The following RNF213 variants were observed in gnomAD, a reference collection of about 807,000 sequenced individuals.
RNF213 encodes the protein ring finger protein 213.
Under a neutral mutation model 514.4 loss-of-function variants are expected in RNF213, and 341 were observed. That is an observed-to-expected ratio of 0.66 (90% CI 0.61 to 0.73). RNF213 has a LOEUF of 0.73. Among genes scored for constraint, RNF213 ranks in the 30% least tolerant of loss-of-function variants. The pLI, the probability that RNF213 is intolerant of heterozygous loss-of-function variation, is 0.00. For missense variants in RNF213, 5,767 were observed against 6,615.6 expected (o/e 0.87, Z 4.45); for synonymous variants, 2,655 against 2,658.2 (o/e 1.00, Z 0.04).
Position 80,345,198 on chromosome 17 carries a change from A to T in RNF213, c.6863A>T (p.Asp2288Val). 6.2e-7 allele frequency: 1 copy of T among 1,614,094 alleles called. No individual in the cohort carries two copies. Among genetic ancestry groups the T allele is most frequent in the Non-Finnish European group, 8.5e-7 (1 of 1,179,990 alleles). ...ACCATGGATGGGGTTAGGGAAGAAGATCTAGCGCCCTTCTCCCTCCGGAAG... is the reference window on the plus strand; with the variant it reads ...ACCATGGATGGGGTTAGGGAAGAAGTTCTAGCGCCCTTCTCCCTCCGGAAG... Reference protein sequence around the residue: ...MVTMDGVREEDLAPFSLRKRW... With the variant: ...MVTMDGVREEVLAPFSLRKRW... The change falls in exon 29 of 68, where the codon GAT (aspartate) becomes GTT (valine). Residue 2288 changes from aspartate to valine, a missense_variant. Physicochemically the swap from Asp to Val is radical, Grantham distance 152. Around this residue, in one of 13 missense-constraint regions of RNF213, gnomAD observed 1,377 missense variants for 1,635.2 expected, o/e 0.84. Coordinates refer to ENST00000582970, the MANE Select transcript of RNF213 (RefSeq NM_001256071.3). This position sits in a 1 kb window ranked among gnomAD's most constrained non-coding sequence, Gnocchi z 6.0.
intron 2 of RNF213, among the ~76,000 whole-genome samples, chr17:80,267,486 G>C (rs1370589145): frequency 6.6e-6 from 1 of 152,164 alleles, no homozygotes; most frequent in Non-Finnish European, 1.5e-5. Context: ...CAAATGATTA[G>C]AGAGTGAAAC....
At position 80,377,805 on chromosome 17, in the gene RNF213, T is replaced by C. The variant is rs2079821462; in HGVS notation, c.13545+9T>C. On this transcript the variant is annotated intron_variant, in intron 54 of 67. Coordinates refer to ENST00000582970, the MANE Select transcript of RNF213 (RefSeq NM_001256071.3). This position sits in a 1 kb window ranked among gnomAD's most constrained non-coding sequence, Gnocchi z 4.1. ...CTTGCTCCGTGGGAGAGGTGAGTCT[T>C]GGTATTTAAGATAGGGTTTGAGGGG... 2 of 1,614,004 alleles carry C rather than the reference T, an allele frequency of 1.2e-6. No individual in the cohort carries two copies. The highest frequency in any genetic ancestry group is 2.7e-5 in the African/African-American group (2 of 74,906).
chr17:80,310,678 G>T (rs542377924), intron 14 of RNF213, among the ~76,000 whole-genome samples: 14 of 151,852 alleles, frequency 9.2e-5, no homozygotes, highest in African/African-American at 3.4e-4. Context: ...TCAGCCTCCC[G>T]AGTAGCTGGG....
In RNF213 at chr17:80,346,956, C is replaced by A. The variant is rs1555666787; in HGVS notation, c.8621C>A (p.Ala2874Asp). The change falls in exon 29 of 68, where the codon GCC becomes GAC. Residue 2874 changes from alanine (A) to aspartate (D), a missense_variant. By Grantham distance (126) the Ala-to-Asp change is moderately radical. Around this residue, in one of 13 missense-constraint regions of RNF213, gnomAD observed 105 missense variants for 183.9 expected, o/e 0.57. Coordinates refer to ENST00000582970, the MANE Select transcript of RNF213 (RefSeq NM_001256071.3). This position sits in a 1 kb window ranked among gnomAD's most constrained non-coding sequence, Gnocchi z 8.1. ...GACGGATGCATTGAAGACGATCCCGCCCCCCACAAAAAGGTCGGCTTCGTG... is the reference window on the plus strand; with the variant it reads ...GACGGATGCATTGAAGACGATCCCGACCCCCACAAAAAGGTCGGCTTCGTG... ...LEDGCIEDDPAPHKKVGFVGI... is the reference protein window; with the variant it reads ...LEDGCIEDDPDPHKKVGFVGI... 6.2e-7 allele frequency: 1 copy of A among 1,613,770 alleles called. No individual in the cohort carries two copies. The highest frequency in any genetic ancestry group is 2.2e-5 in the East Asian group (1 of 44,872).
At chr17:80,289,999 G>T (rs371775471) in intron 6 of RNF213, among the ~76,000 whole-genome samples, 162 bp downstream of exon 6, 1 of 152,174 alleles carries the variant, frequency 6.6e-6, no homozygotes, top group Non-Finnish European at 1.5e-5. Flanking sequence ...GGTGGAGGGG[G>T]GTGGGCACCT....
chr17:80,362,549 AAAC>A (rs1327860073), intron 39 of RNF213, among the ~76,000 whole-genome samples: 2 of 152,268 alleles, frequency 1.3e-5, no homozygotes, highest in Non-Finnish European at 2.9e-5. Context: ...TGATTTTTAA[AAAC>A]AACAGCCGCC....
At chr17:80,381,282 G>A in intron 56 of RNF213, 1 of 594,298 alleles carries the variant, frequency 1.7e-6, no homozygotes. Flanking sequence ...TGTCTTCATT[G>A]TAGCTAGGGA....
chr17:80,385,276 G>T (rs2080187547), intron 60 of RNF213, 105 bp downstream of exon 60: 2 of 1,383,192 alleles, frequency 1.4e-6, no homozygotes, highest in South Asian at 2.4e-5. Context: ...GGCGCTGATG[G>T]GTGCTCTATA....
intron 15 of RNF213, chr17:80,315,555 G>A (rs145830538): frequency 2.1e-4 from 5 of 23,700 alleles, no homozygotes; most frequent in African/African-American, 5.1e-4. Context: ...GGTGGTCGTG[G>A]AGGTGATGGT....
chr17:80,344,581 A>T (rs1489055775), intron 28 of RNF213, 97 bp from the exon 29 acceptor site: 8 of 1,319,426 alleles, frequency 6.1e-6, no homozygotes, highest in African/African-American at 1.5e-5. Flanking sequence ...TTTTTCATAA[A>T]GGTCCATCCA....
rs778746081 is a variant in RNF213 at position 80,351,731 on chromosome 17, C to T, written c.10231C>T (p.Arg3411Cys). 3.1e-5 allele frequency: 50 copies of T among 1,612,066 alleles called. No individual in the cohort carries two copies. The African/African-American group carries it at 3.3e-4, about 11-fold the overall frequency. Residue 3411 changes from arginine to cysteine, a missense_variant, in exon 32 of 68, where the codon CGT (arginine) becomes TGT (cysteine). Arg to Cys is a radical substitution (Grantham distance 180). Around this residue, in one of 13 missense-constraint regions of RNF213, gnomAD observed 919 missense variants for 1,121.0 expected, o/e 0.82. Coordinates refer to ENST00000582970, the MANE Select transcript of RNF213 (RefSeq NM_001256071.3). ...CAACAAAATACGAGAAAATGAGGAC[C>T]GTATCTTCGTCTATTTCATCACAAA... ...EINKIRENED[R>C]IFVYFITKLS... is the part of the protein sequence containing the mutation.
chr17:80,387,918 C>A (rs570310943), intron 63 of RNF213, among the ~76,000 whole-genome samples: 1 of 152,100 alleles, frequency 6.6e-6, no homozygotes, highest in Non-Finnish European at 1.5e-5. Flanking sequence ...TACGGTACCA[C>A]CCGCAACTGG....
rs1170244978 is a variant in RNF213, at chr17:80,306,251, G to A, written c.2211-1G>A. On this transcript the variant is annotated splice_acceptor_variant, in intron 11 of 67. Coordinates refer to ENST00000582970, the MANE Select transcript of RNF213 (RefSeq NM_001256071.3). LOFTEE classifies it high-confidence loss of function. Reference sequence around the variant, plus strand: ...TCTCCGTCCCTATTTCTCTTATGCAGGAGTTCCCTACTTCAGTTTATGAGA... The same window carrying A: ...TCTCCGTCCCTATTTCTCTTATGCAAGAGTTCCCTACTTCAGTTTATGAGA... The A allele has an allele frequency of 6.2e-7, 1 of 1,613,980 alleles. No homozygotes were observed. Among genetic ancestry groups the A allele is most frequent in the East Asian group, 2.2e-5 (1 of 44,876 alleles).
intron 14 of RNF213, among the ~76,000 whole-genome samples, chr17:80,312,127 C>CAAAAAAAAG (rs1568048295): frequency 1.3e-5 from 2 of 150,454 alleles, no homozygotes; most frequent in African/African-American, 4.9e-5. Flanking sequence ...GACTCTGTCT[C>CAAAAAAAAG]AAAAAAAAGA....
chr17:80,275,913 C>T (rs1259341329), intron 3 of RNF213, among the ~76,000 whole-genome samples: 11 of 151,374 alleles, frequency 7.3e-5, no homozygotes, highest in Middle Eastern at 3.2e-3. Context: ...CCACCCGCCT[C>T]GGCCTCCCAG....
At chr17:80,333,310 G>T (rs9907705) in intron 21 of RNF213, among the ~76,000 whole-genome samples, 14,791 of 150,332 alleles carry the variant, frequency 0.098, 1,464 homozygotes, top group African/African-American at 0.25. Flanking sequence ...TCCACCCACC[G>T]TGGCCTCCCA....
chr17:80,381,572 C>G lies in RNF213; in HGVS notation c.13823C>G (p.Pro4608Arg). The change falls in exon 57 of 68, where the codon CCA becomes CGA. Residue 4608 changes from proline to arginine, a missense_variant. Coordinates refer to ENST00000582970, the MANE Select transcript of RNF213 (RefSeq NM_001256071.3). ...GCTCTGATAAACATCATTAAGCCTC[C>G]AGTGAGGGATCCAAAAGGCTTTCTG... ...SQALINIIKPPVRDPKGFLQQ... is the reference protein window; with the variant it reads ...SQALINIIKPRVRDPKGFLQQ... The G allele has an allele frequency of 1.9e-6, 3 of 1,614,214 alleles. No individual in the cohort carries two copies. Among genetic ancestry groups the G allele is most frequent in the Non-Finnish European group, 2.5e-6 (3 of 1,180,036 alleles).
chr17:80,352,585 G>A (rs913968693), intron 32 of RNF213: 1 of 553,676 alleles, frequency 1.8e-6, no homozygotes, highest in Non-Finnish European at 3.2e-6. Context: ...GTGGAGAATG[G>A]AAGGCAGACC....
chr17:80,329,764 G>A (rs1408353948), intron 20 of RNF213, among the ~76,000 whole-genome samples: 1 of 152,270 alleles, frequency 6.6e-6, no homozygotes, highest in African/African-American at 2.4e-5. Context: ...CTGGGAAGTC[G>A]AGGCTGCAGT....
Sources: allele counts gnomAD v4.1 joint callset (sites outside exome capture counted in the v4.1 genomes callset), GRCh38; gene constraint gnomAD v4.1.1; regional missense constraint gnomAD v4.1.1; non-coding constraint Gnocchi (gnomAD v3.1); transcripts MANE v1.5; gene names NCBI Gene and HGNC (gene_info 2026-07-23, HGNC 2026-07-21).